Variants in ESCO1 observed in about 807,000 individuals in gnomAD.
ESCO1 encodes the protein N-acetyltransferase ESCO1.
Under a neutral mutation model 83.5 loss-of-function variants are expected in ESCO1, and 33 were observed. The ratio of observed to expected loss-of-function variants is 0.40; its 90% CI spans 0.30 to 0.53. The LOEUF is 0.53. ESCO1 is among the 20% of genes least tolerant of loss of function. ESCO1 has a pLI of 0.63. For synonymous variants in ESCO1, 332 were observed against 324.3 expected (o/e 1.02, Z -0.25); for missense variants, 855 against 968.0 (o/e 0.88, Z 1.55).
chr18:21,576,597 G>A (rs957591553), intron 2 of ESCO1, among the ~76,000 whole-genome samples: 1 of 152,156 alleles, frequency 6.6e-6, no homozygotes, highest in African/African-American at 2.4e-5. Context: ...AAGTACAGAT[G>A]CTACAGAGAA....
chr18:21,541,359 G>C (rs1168803106), intron 8 of ESCO1, among the ~76,000 whole-genome samples: 1 of 152,066 alleles, frequency 6.6e-6, no homozygotes, highest in Non-Finnish European at 1.5e-5. Context: ...CCAGCACTTT[G>C]GGAGGAGGGC....
intron 2 of ESCO1, among the ~76,000 whole-genome samples, chr18:21,581,914 T>C (rs2146220442): frequency 6.8e-6 from 1 of 146,100 alleles, no homozygotes; most frequent in South Asian, 2.2e-4. Context: ...ATCTCATCTA[T>C]ACTAAAAAAA....
intron 1 of ESCO1, among the ~76,000 whole-genome samples, chr18:21,594,157 A>G (rs1291350801): frequency 1.3e-5 from 2 of 152,102 alleles, no homozygotes; most frequent in Non-Finnish European, 2.9e-5. Flanking sequence ...AGGCAAAATC[A>G]CCCTGGGTTG....
At chr18:21,538,374 C>T (rs760524431) in intron 9 of ESCO1, among the ~76,000 whole-genome samples, 1 of 151,746 alleles carries the variant, frequency 6.6e-6, no homozygotes, top group Non-Finnish European at 1.5e-5. Flanking sequence ...GTTCGTGGGT[C>T]AGCTGTGGTT....
intron 4 of ESCO1, among the ~76,000 whole-genome samples, chr18:21,568,451 AT>A (rs1206106893): frequency 6.6e-6 from 1 of 152,200 alleles, no homozygotes; most frequent in Non-Finnish European, 1.5e-5. Context: ...CCACAGATAT[AT>A]TCAATAGTTT....
intron 7 of ESCO1, among the ~76,000 whole-genome samples, chr18:21,562,272 T>TCAAGA (rs150974342): frequency 0.01 from 1,543 of 151,994 alleles, 34 homozygotes; most frequent in African/African-American, 0.035. Flanking sequence ...GGTCAGGAGT[T>TCAAGA]CAAGACCAGC....
intron 7 of ESCO1, among the ~76,000 whole-genome samples, chr18:21,563,126 C>T (rs2038211310): frequency 6.6e-6 from 1 of 151,930 alleles, no homozygotes; most frequent in Non-Finnish European, 1.5e-5. Context: ...CCATTTCGGC[C>T]TCCCAAAGTG....
chr18:21,541,366 G>C lies in ESCO1; in HGVS notation c.1954-1357C>G, dbSNP rs572087647. Among the ~76,000 whole-genome samples, 9 of 152,080 alleles carry C rather than the reference G, an allele frequency of 5.9e-5. No individual in the cohort carries two copies. The South Asian group carries it at 1.5e-3, about 25-fold the overall frequency. On this transcript the variant is annotated intron_variant, in intron 8 of 11. Coordinates refer to ENST00000269214, the MANE Select transcript of ESCO1 (RefSeq NM_052911.3). ...CTGTAATCCCAGCACTTTGGGAGGA[G>C]GGCAGATCACAAGGTCAGGAGATTG...
chr18:21,541,725 T>C (rs1333614804), intron 8 of ESCO1, among the ~76,000 whole-genome samples: 1 of 152,108 alleles, frequency 6.6e-6, no homozygotes, highest in East Asian at 1.9e-4. Flanking sequence ...TGTTACTTTA[T>C]GAAAAAGCTT....
In ESCO1 at chr18:21,566,140, G is replaced by C; in HGVS notation, c.1706+6C>G. Reference sequence around the variant, plus strand: ...CTTAAGCTCTAAAATTTAATTAATAGCTTACCTGTTATCACTGCTTTTAGA... The same window carrying C: ...CTTAAGCTCTAAAATTTAATTAATACCTTACCTGTTATCACTGCTTTTAGA... On this transcript the variant is annotated splice_donor_region_variant and intron_variant, in intron 6 of 11. Transcript: ENST00000269214. 1 of 1,610,638 alleles carries C rather than the reference G, an allele frequency of 6.2e-7. No individual in the cohort carries two copies. The highest frequency in any genetic ancestry group is 8.5e-7 in the Non-Finnish European group (1 of 1,178,318).
At chr18:21,531,893 C>CAAAAAAAAAAAAAAAAAAAAAAAA in intron 11 of ESCO1, among the ~76,000 whole-genome samples, 1 of 82,070 alleles carries the variant, frequency 1.2e-5, no homozygotes, top group Admixed American at 1.6e-4. Flanking sequence ...GACTCCATCT[C>CAAAAAAAAAAAAAAAAAAAAAAAA]AAAAAAAAAA....
chr18:21,546,682 G>A (rs2037978468), intron 8 of ESCO1, among the ~76,000 whole-genome samples: 2 of 152,106 alleles, frequency 1.3e-5, no homozygotes, highest in South Asian at 4.1e-4. Flanking sequence ...GAGTAGATGG[G>A]ACCACAGGCA....
intron 8 of ESCO1, among the ~76,000 whole-genome samples, chr18:21,555,555 A>C (rs940158053): frequency 6.6e-6 from 1 of 152,148 alleles, no homozygotes; most frequent in African/African-American, 2.4e-5. Flanking sequence ...TTTGTTGTGG[A>C]TCTAAAACAG....
intron 1 of ESCO1, among the ~76,000 whole-genome samples, chr18:21,594,220 C>T (rs1224682823): frequency 2.0e-5 from 3 of 152,226 alleles, no homozygotes; most frequent in African/African-American, 7.2e-5. Context: ...AGGATACCTG[C>T]TGCTTGAGGA....
intron 8 of ESCO1, chr18:21,540,798 T>C (rs2037896523): frequency 1.7e-5 from 18 of 1,033,142 alleles, no homozygotes; most frequent in Non-Finnish European, 2.2e-5. Context: ...TCAAAATAAG[T>C]ACAGAAGGAA....
rs188713323 is a variant in ESCO1 at position 21,557,233 on chromosome 18, A to G, written c.1953+3626T>C. 7.9e-5 allele frequency among the ~76,000 whole-genome samples: 12 copies of G among 152,352 alleles called. No homozygotes were observed. In the East Asian group the frequency reaches 2.1e-3, roughly 27 times the overall value. On this transcript the variant is annotated intron_variant, in intron 8 of 11. Coordinates refer to ENST00000269214, the MANE Select transcript of ESCO1 (RefSeq NM_052911.3). ...AAAGAACAGAAAGAATAAAGTCCAT[A>G]TAGCTTTCAAAATCAAAGTATCACA...
intron 1 of ESCO1, among the ~76,000 whole-genome samples, chr18:21,598,490 A>G (rs2038795913): frequency 6.6e-6 from 1 of 152,012 alleles, no homozygotes; most frequent in African/African-American, 2.4e-5. Context: ...ACCTGAGGTC[A>G]GGAGTTCAAG....
rs1310441105 is a variant in ESCO1 at position 21,566,850 on chromosome 18, G to T, written c.1646-644C>A. Among the ~76,000 whole-genome samples, 10 of 148,228 alleles carry T rather than the reference G, an allele frequency of 6.7e-5. No individual in the cohort carries two copies. In the South Asian group the frequency reaches 1.7e-3, roughly 25 times the overall value. On this transcript the variant is annotated intron_variant, in intron 5 of 11. Transcript: ENST00000269214. ...ACCCCAGCCTGGAGGACAGAGCAAG[G>T]CTCTGCCTCAAAAAAAAAAAAAAAA...
chr18:21,578,483 G>A (rs2146215848), intron 2 of ESCO1, among the ~76,000 whole-genome samples: 1 of 151,844 alleles, frequency 6.6e-6, no homozygotes, highest in Middle Eastern at 3.4e-3. Context: ...TCAGAGAATA[G>A]AAAAAAAGCA....
Sources: allele counts gnomAD v4.1 joint callset (sites outside exome capture counted in the v4.1 genomes callset), GRCh38; gene constraint gnomAD v4.1.1; transcripts MANE v1.5; gene names NCBI Gene and HGNC (gene_info 2026-07-23, HGNC 2026-07-21).